The following SLCO5A1 variants were observed in gnomAD, a reference collection of about 807,000 sequenced individuals.
SLCO5A1 encodes organic anion transporter polypeptide-related protein 4.
SLCO5A1 carries 39 observed loss-of-function variants against 65.1 expected under a neutral mutation model. That is an observed-to-expected ratio of 0.60 (90% CI 0.46 to 0.78). SLCO5A1 has a LOEUF of 0.78. Among genes scored for constraint, SLCO5A1 ranks in the 30% least tolerant of loss-of-function variants. The pLI is 0.00. For synonymous variants in SLCO5A1, 438 were observed against 415.7 expected (o/e 1.05, Z -0.65); for missense variants, 1,029 against 1,069.4 (o/e 0.96, Z 0.53).
intron 4 of SLCO5A1, among the ~76,000 whole-genome samples, chr8:69,742,472 C>T (rs562314602): frequency 1.3e-3 from 195 of 152,136 alleles, no homozygotes; most frequent in Middle Eastern, 3.4e-3. Flanking sequence ...GGCACTAAAA[C>T]CAGGAGATGC....
chr8:69,729,624 G>A (rs1384646630), intron 5 of SLCO5A1, among the ~76,000 whole-genome samples: 3 of 151,970 alleles, frequency 2.0e-5, no homozygotes, highest in East Asian at 1.9e-4. Context: ...AAGAAATTAC[G>A]GTCATTGGGG....
chr8:69,824,422 C>T (rs75323100), intron 2 of SLCO5A1, among the ~76,000 whole-genome samples: 4,937 of 152,036 alleles, frequency 0.032, 226 homozygotes, highest in African/African-American at 0.099. Context: ...CAAATAGATG[C>T]AATAAAAAAT....
intron 2 of SLCO5A1, among the ~76,000 whole-genome samples, chr8:69,803,775 G>T (rs1003309342): frequency 4.6e-5 from 7 of 152,054 alleles, no homozygotes; most frequent in African/African-American, 1.7e-4. Flanking sequence ...AACTGCTTAG[G>T]CCAGGAGTTC....
At chr8:69,761,061 G>A (rs1375161690) in intron 3 of SLCO5A1, among the ~76,000 whole-genome samples, 1 of 152,170 alleles carries the variant, frequency 6.6e-6, no homozygotes, top group African/African-American at 2.4e-5. Context: ...AAAAGATACT[G>A]AAAGGTATGA....
chr8:69,805,809 G>A (rs1316967991), intron 2 of SLCO5A1, among the ~76,000 whole-genome samples: 1 of 152,150 alleles, frequency 6.6e-6, no homozygotes, highest in Non-Finnish European at 1.5e-5. Flanking sequence ...AGCAGCGTTG[G>A]GGAGGCTCAG....
At chr8:69,767,904 A>AG (rs1818133342) in intron 2 of SLCO5A1, among the ~76,000 whole-genome samples, 2 of 139,720 alleles carry the variant, frequency 1.4e-5, no homozygotes, top group South Asian at 2.3e-4. Context: ...AAAAAAAAAA[A>AG]AAAAAAACAA....
intron 2 of SLCO5A1, among the ~76,000 whole-genome samples, chr8:69,797,006 C>T (rs1323263819): frequency 6.6e-6 from 1 of 152,192 alleles, no homozygotes; most frequent in African/African-American, 2.4e-5. Flanking sequence ...TTGGTCACAA[C>T]CATTTAACAA....
At chr8:69,759,711 A>C (rs1289056068) in intron 3 of SLCO5A1, among the ~76,000 whole-genome samples, 1 of 152,058 alleles carries the variant, frequency 6.6e-6, no homozygotes, top group Admixed American at 6.6e-5. Context: ...AATGGTGCCA[A>C]CTCAGCTCAC....
At chr8:69,792,808 G>T (rs193036620) in intron 2 of SLCO5A1, among the ~76,000 whole-genome samples, 5 of 152,218 alleles carry the variant, frequency 3.3e-5, no homozygotes, top group Admixed American at 2.6e-4. Flanking sequence ...GTAGATGAAA[G>T]CTAATGGAAA....
At chr8:69,746,745 C>A (rs1435604284) in intron 4 of SLCO5A1, among the ~76,000 whole-genome samples, 1 of 152,160 alleles carries the variant, frequency 6.6e-6, no homozygotes. Flanking sequence ...ACATAAGCTT[C>A]CATATTAATC....
intron 2 of SLCO5A1, among the ~76,000 whole-genome samples, chr8:69,822,650 G>C (rs1820698124): frequency 6.6e-6 from 1 of 152,094 alleles, no homozygotes; most frequent in South Asian, 2.1e-4. Flanking sequence ...ATTCTACTTT[G>C]ACAGAACAGA....
chr8:69,729,446 CAAAAAAAAAAAAAA>C (rs56392223), intron 5 of SLCO5A1, among the ~76,000 whole-genome samples: 3 of 80,486 alleles, frequency 3.7e-5, no homozygotes, highest in Non-Finnish European at 6.5e-5. Context: ...TCCGTCCCAA[CAAAAAAAAAAAAAA>C]AAAAAAAAAA....
chr8:69,796,561 G>A (rs974637687), intron 2 of SLCO5A1, among the ~76,000 whole-genome samples: 1 of 151,946 alleles, frequency 6.6e-6, no homozygotes. Context: ...GGTCTACAGT[G>A]AGCCATGATC....
chr8:69,827,364 C>T (rs1014188333), intron 2 of SLCO5A1, among the ~76,000 whole-genome samples: 1 of 152,110 alleles, frequency 6.6e-6, no homozygotes, highest in Non-Finnish European at 1.5e-5. Context: ...TTAATACCTA[C>T]AAAGCTTTCT....
At chr8:69,673,898 A>G (rs967481713) in intron 9 of SLCO5A1, among the ~76,000 whole-genome samples, 6 of 152,182 alleles carry the variant, frequency 3.9e-5, no homozygotes, top group African/African-American at 1.4e-4. Flanking sequence ...TATATATATG[A>G]AGGAACTTTA....
chr8:69,755,315 G>T (rs372332108), intron 4 of SLCO5A1, 109 bp downstream of exon 4: 1 of 808,650 alleles, frequency 1.2e-6, no homozygotes, highest in Non-Finnish European at 1.9e-6. Context: ...CTCAATCTTA[G>T]TACTTATCTG....
At chr8:69,731,725 G>A (rs910654767) in intron 5 of SLCO5A1, among the ~76,000 whole-genome samples, 7 of 152,146 alleles carry the variant, frequency 4.6e-5, no homozygotes, top group South Asian at 4.1e-4. Context: ...TCCTAATAGC[G>A]TCTATTCATC....
At chr8:69,792,585 C>T (rs1049800895) in intron 2 of SLCO5A1, among the ~76,000 whole-genome samples, 1 of 151,970 alleles carries the variant, frequency 6.6e-6, no homozygotes, top group Non-Finnish European at 1.5e-5. Flanking sequence ...AAAAGGAACC[C>T]GATGGATAAG....
At chr8:69,743,437 C>T (rs193226020) in intron 4 of SLCO5A1, among the ~76,000 whole-genome samples, 3 of 152,254 alleles carry the variant, frequency 2.0e-5, no homozygotes, top group African/African-American at 7.2e-5. Flanking sequence ...ACTGCAACCT[C>T]AAACTCAGGG....
Sources: gnomAD v4.1 joint callset for allele counts (sites outside exome capture counted in the v4.1 genomes callset) on GRCh38, gnomAD v4.1.1 for gene constraint, MANE v1.5 for transcripts, NCBI Gene and HGNC (gene_info 2026-07-23, HGNC 2026-07-21) for gene names.